Variants in PCDHGA4 observed in about 807,000 individuals in gnomAD.
The protein encoded by PCDHGA4 is protocadherin gamma subfamily A, 4.
In PCDHGA4, 38 loss-of-function variants were observed where a neutral mutation model predicts 54.6. The observed-to-expected ratio is 0.70, with a 90% CI of 0.54 to 0.91. The LOEUF (loss-of-function observed/expected upper bound fraction) is 0.91, where lower values mean the gene tolerates loss of function less well. PCDHGA4 is among the 40% of genes least tolerant of loss of function. The probability of loss-of-function intolerance (pLI) is 0.00; values close to 1 mark genes in which losing one functional copy is unlikely to be tolerated. For missense variants in PCDHGA4, 1,298 were observed against 1,220.9 expected, an observed-to-expected ratio of 1.06 and a Z score of -0.94; for synonymous variants, 511 against 512.9, an observed-to-expected ratio of 1.00 and a Z score of 0.05.
intron 1 of PCDHGA4, chr5:141,428,599 A>G (rs1324155257): frequency 8.9e-6 from 2 of 223,902 alleles, no homozygotes; most frequent in Non-Finnish European, 1.8e-5. Context: ...AGCAAGCTTC[A>G]CTGAAGAGAA....
At chr5:141,364,558 C>T in intron 1 of PCDHGA4, 1 of 1,614,026 alleles carries the variant, frequency 6.2e-7, no homozygotes, top group Non-Finnish European at 8.5e-7. Flanking sequence ...AGCTTTTTGC[C>T]CTGAACCCGC....
intron 1 of PCDHGA4, chr5:141,361,348 G>C: frequency 6.2e-7 from 1 of 1,613,980 alleles, no homozygotes; most frequent in South Asian, 1.1e-5. Context: ...TTACAAACTA[G>C]TGACAGACGG....
At chr5:141,445,612 CT>C (rs996122021) in intron 1 of PCDHGA4, among the ~76,000 whole-genome samples, 1 of 151,994 alleles carries the variant, frequency 6.6e-6, no homozygotes, top group Non-Finnish European at 1.5e-5. Flanking sequence ...GGAAGGCTTT[CT>C]TTTTTTCGGA....
chr5:141,384,898 A>G (rs982769749), intron 1 of PCDHGA4: 168 of 1,613,752 alleles, frequency 1.0e-4, no homozygotes, highest in Non-Finnish European at 1.3e-4. Flanking sequence ...TGTGGCTGAC[A>G]GCATCCCCGA....
At position 141,454,320 on chromosome 5, in the gene PCDHGA4, C is replaced by T. The variant is rs140074578; in HGVS notation, c.2515-40487C>T. ...CAGATATTTCAAAGCATTGAAACCTCCAAGAATAAATAAAATGTTGGAAGT... is the reference window on the plus strand; with the variant it reads ...CAGATATTTCAAAGCATTGAAACCTTCAAGAATAAATAAAATGTTGGAAGT... On this transcript the variant is annotated intron_variant, in intron 1 of 3. Coordinates refer to ENST00000571252, the MANE Select transcript of PCDHGA4 (RefSeq NM_018917.4). Among the ~76,000 whole-genome samples, 592 of 152,266 alleles carry T rather than the reference C, an allele frequency of 3.9e-3. 6 individuals are homozygous for T. Among genetic ancestry groups the T allele is most frequent in the Admixed American group, 0.011 (171 of 15,288 alleles).
Position 141,477,412 on chromosome 5 carries a change from C to T in PCDHGA4, c.2515-17395C>T. 6 of 1,614,168 alleles carry T rather than the reference C, an allele frequency of 3.7e-6. No individual in the cohort carries two copies. The highest frequency in any genetic ancestry group is 1.1e-5 in the South Asian group (1 of 91,082). On this transcript the variant is annotated intron_variant, in intron 1 of 3. Coordinates refer to ENST00000571252, the MANE Select transcript of PCDHGA4 (RefSeq NM_018917.4). This position sits in a 1 kb window ranked among gnomAD's most constrained non-coding sequence, Gnocchi z 4.9. ...ACCTCAGCATCACCGCCCGAGACGC[C>T]GGAACCCCTTCCCTCTCAGCCCTTA... is the stretch of plus-strand genomic sequence containing the variant.
At chr5:141,488,189 T>G (rs574621860) in intron 1 of PCDHGA4, among the ~76,000 whole-genome samples, 2 of 152,316 alleles carry the variant, frequency 1.3e-5, no homozygotes, top group Non-Finnish European at 2.9e-5. Context: ...TCTTTTGGTC[T>G]GGGTCTTAGG....
chr5:141,472,954 C>A (rs2099305799), intron 1 of PCDHGA4, among the ~76,000 whole-genome samples: 1 of 143,370 alleles, frequency 7.0e-6, no homozygotes, highest in Admixed American at 7.3e-5. Flanking sequence ...CCATTGCACT[C>A]CAGCCTGGGG....
chr5:141,431,111 G>A lies in PCDHGA4; in HGVS notation c.2515-63696G>A, dbSNP rs2097343539. The A allele has an allele frequency of 1.9e-6, 3 of 1,614,110 alleles. No individual in the cohort carries two copies. Among genetic ancestry groups the A allele is most frequent in the Non-Finnish European group, 2.5e-6 (3 of 1,180,034 alleles). On this transcript the variant is annotated intron_variant, in intron 1 of 3. Coordinates refer to ENST00000571252, the MANE Select transcript of PCDHGA4 (RefSeq NM_018917.4). This position sits in a 1 kb window ranked among gnomAD's most constrained non-coding sequence, Gnocchi z 4.8. ...GATGGAGGATAAAGTGAAAATATAT[G>A]GAGTAGAAGTAGAAGTAAGGGACAT...
chr5:141,490,399 C>T lies in PCDHGA4; in HGVS notation c.2515-4408C>T. The T allele has an allele frequency of 1.2e-6, 2 of 1,614,148 alleles. No homozygotes were observed. Among genetic ancestry groups the T allele is most frequent in the Non-Finnish European group, 1.7e-6 (2 of 1,180,016 alleles). On this transcript the variant is annotated intron_variant, in intron 1 of 3. Transcript: ENST00000571252. This position sits in a 1 kb window ranked among gnomAD's most constrained non-coding sequence, Gnocchi z 5.4. ...CTCAGGTAGAAATGGTGAAGTGAGC[C>T]TTGATATCTCTCCGGACCTGCCATT... is the stretch of plus-strand genomic sequence containing the variant.
At chr5:141,421,069 AGATG>A in intron 1 of PCDHGA4, 1 of 598,532 alleles carries the variant, frequency 1.7e-6, no homozygotes, top group Non-Finnish European at 2.8e-6. Context: ...AAGCGGAATG[AGATG>A]GATACTCACA....
intron 1 of PCDHGA4, chr5:141,427,590 C>A: frequency 1.5e-6 from 1 of 679,008 alleles, no homozygotes; most frequent in Non-Finnish European, 2.7e-6. Flanking sequence ...CAGCACAAGC[C>A]TCACCCTACG....
rs1055042563 is a variant in PCDHGA4, at chr5:141,512,805, C to G, written c.*1632C>G. On this transcript the variant is annotated 3_prime_UTR_variant, in exon 4 of 4. Coordinates refer to ENST00000571252, the MANE Select transcript of PCDHGA4 (RefSeq NM_018917.4). ...TGTTGTGTTTTGTGCTGTGTCCACG[C>G]GCTAAGGCGACCCCCTCCCCCGTAC... 3.0e-4 allele frequency: 46 copies of G among 152,378 alleles called. No individual in the cohort carries two copies. Among genetic ancestry groups the G allele is most frequent in the African/African-American group, 9.9e-4 (41 of 41,570 alleles). The allele number at this position is 152,378 out of a possible 1,614,324, so 9.4% of individuals were successfully genotyped here.
intron 1 of PCDHGA4, among the ~76,000 whole-genome samples, chr5:141,456,668 T>G (rs2098874996): frequency 1.3e-5 from 2 of 152,254 alleles, no homozygotes; most frequent in Admixed American, 6.5e-5. Context: ...ATGTTTCATT[T>G]AAAAATGCAT....
intron 1 of PCDHGA4, among the ~76,000 whole-genome samples, chr5:141,448,571 C>G (rs1207283773): frequency 6.6e-6 from 1 of 152,128 alleles, no homozygotes; most frequent in Non-Finnish European, 1.5e-5. Flanking sequence ...TTTTATTTCC[C>G]CATTTTTTTT....
rs374202401 is a variant in PCDHGA4, at chr5:141,360,323, C to A, written c.2514+2702C>A. 3.1e-6 allele frequency: 5 copies of A among 1,613,798 alleles called. No homozygotes were observed. In the African/African-American group the frequency reaches 6.7e-5, roughly 22 times the overall value. ...GGGCTCAGCGTCCGGGACTTGCCAGCCCGGAAGCTGCGGGTTAGCGCGGAG... is the reference window on the plus strand; with the variant it reads ...GGGCTCAGCGTCCGGGACTTGCCAGACCGGAAGCTGCGGGTTAGCGCGGAG... On this transcript the variant is annotated intron_variant, in intron 1 of 3. Transcript: ENST00000571252.
intron 1 of PCDHGA4, among the ~76,000 whole-genome samples, chr5:141,406,035 T>C (rs989362338): frequency 4.6e-5 from 7 of 151,898 alleles, no homozygotes; most frequent in Non-Finnish European, 1.0e-4. Flanking sequence ...GGTTGCTTCA[T>C]TGGTTGCAGT....
At chr5:141,499,356 C>A (rs1472104991) in intron 2 of PCDHGA4, among the ~76,000 whole-genome samples, 1 of 152,062 alleles carries the variant, frequency 6.6e-6, no homozygotes, top group Non-Finnish European at 1.5e-5. Context: ...ATTCAACAAA[C>A]AAATAGCAAC....
At chr5:141,377,766 G>A (rs950570647) in intron 1 of PCDHGA4, 4 of 152,130 alleles carry the variant, frequency 2.6e-5, no homozygotes, top group African/African-American at 9.7e-5. Flanking sequence ...CCAGATCTTT[G>A]GTGTTAAAAG....
Sources: allele counts gnomAD v4.1 joint callset (sites outside exome capture counted in the v4.1 genomes callset), GRCh38; gene constraint gnomAD v4.1.1; non-coding constraint Gnocchi (gnomAD v3.1); transcripts MANE v1.5; gene names NCBI Gene and HGNC (gene_info 2026-07-23, HGNC 2026-07-21).